Variants in NFATC1 observed in about 807,000 individuals in gnomAD.
NFATC1 encodes nuclear factor of activated T cells 1.
NFATC1 carries 22 observed loss-of-function variants against 76.0 expected under a neutral mutation model. That is an observed-to-expected ratio of 0.29 (90% CI 0.21 to 0.41). The LOEUF (loss-of-function observed/expected upper bound fraction) is 0.41, where lower values mean the gene tolerates loss of function less well. Among genes scored for constraint, NFATC1 ranks in the 10% least tolerant of loss-of-function variants. The pLI, the probability that NFATC1 is intolerant of heterozygous loss-of-function variation, is 1.00. For missense variants in NFATC1, 1,357 were observed against 1,337.7 expected (o/e 1.01, Z -0.23); for synonymous variants, 704 against 613.1 (o/e 1.15, Z -2.19).
Position 79,451,728 on chromosome 18 carries a change from C to T in NFATC1, c.1815C>T (p.Ser605=), listed in dbSNP as rs776770802. ...TGGTGGAGAAGCAGAGCACGGACAGCTATCCGGTCGTGGGCGGGAAGAAGA... is the reference window on the plus strand; with the variant it reads ...TGGTGGAGAAGCAGAGCACGGACAGTTATCCGGTCGTGGGCGGGAAGAAGA... The part of the protein sequence containing the change: ...LPLVEKQSTD[S]YPVVGGKKMV... The change falls in exon 6 of 10, where the codon AGC becomes AGT. Residue 605 remains serine (S), a synonymous_variant. Coordinates refer to ENST00000427363, the MANE Select transcript of NFATC1 (RefSeq NM_001278669.2). The T allele has an allele frequency of 6.2e-7, 1 of 1,613,080 alleles. No homozygotes were observed. The highest frequency in any genetic ancestry group is 1.1e-5 in the South Asian group (1 of 90,774).
intron 8 of NFATC1, among the ~76,000 whole-genome samples, chr18:79,481,244 C>CAGCTGCG (rs2089260745): frequency 1.3e-5 from 2 of 152,206 alleles, no homozygotes; most frequent in African/African-American, 2.4e-5. Flanking sequence ...TCCTGAGGCC[C>CAGCTGCG]AGCTGCGTCC....
intron 9 of NFATC1, among the ~76,000 whole-genome samples, chr18:79,525,611 A>G (rs1015472408): frequency 1.3e-5 from 2 of 151,828 alleles, no homozygotes; most frequent in African/African-American, 2.4e-5. Flanking sequence ...TGGCTTCATT[A>G]TTTCTTTGTA....
At chr18:79,440,401 C>A (rs1050602316) in intron 3 of NFATC1, among the ~76,000 whole-genome samples, 1 of 152,210 alleles carries the variant, frequency 6.6e-6, no homozygotes, top group Non-Finnish European at 1.5e-5. Flanking sequence ...GGAGTGGACA[C>A]GTCACCTGGA....
At chr18:79,487,393 C>T (rs1201315773) in intron 9 of NFATC1, among the ~76,000 whole-genome samples, 1 of 152,210 alleles carries the variant, frequency 6.6e-6, no homozygotes, top group Non-Finnish European at 1.5e-5. Context: ...GAGCACGTTA[C>T]CCCGTGCGGC....
chr18:79,411,552 G>A (rs1390340828), intron 2 of NFATC1, 51 bp downstream of exon 2: 39 of 1,294,424 alleles, frequency 3.0e-5, no homozygotes, highest in East Asian at 9.4e-5. Context: ...GGCGCGGGGC[G>A]GGGCGGAACG....
chr18:79,461,159 C>A, intron 6 of NFATC1, 152 bp from the exon 7 acceptor site: 1 of 800,866 alleles, frequency 1.2e-6, no homozygotes, highest in East Asian at 2.7e-5. Context: ...GAGGTGCTGC[C>A]CTCGACAAAG....
Position 79,410,649 on chromosome 18 carries a change from G to T in NFATC1, c.374G>T (p.Cys125Phe). The T allele has an allele frequency of 6.2e-7, 1 of 1,613,202 alleles. No individual in the cohort carries two copies. Among genetic ancestry groups the T allele is most frequent in the Non-Finnish European group, 8.5e-7 (1 of 1,180,014 alleles). Residue 125 changes from cysteine (C) to phenylalanine (F), a missense_variant, in exon 2 of 10, where the codon TGC becomes TTC. Physicochemically the swap from Cys to Phe is radical, Grantham distance 205. This residue lies in a region of NFATC1 where 691 missense variants were observed against 613.1 expected (regional missense o/e 1.13). Coordinates refer to ENST00000427363, the MANE Select transcript of NFATC1 (RefSeq NM_001278669.2). This position sits in a 1 kb window ranked among gnomAD's most constrained non-coding sequence, Gnocchi z 6.7. ...LESPRIEITS[C>F]LGLYHNNNQF... ...AGTCCTCGCATCGAGATAACCTCGT[G>T]CTTGGGCCTGTACCACAACAATAAC...
rs767808131 is a variant in NFATC1 at position 79,486,802 on chromosome 18, C to T, written c.2647C>T (p.Arg883Cys). ...GRPQHLPSTVRRDESPTAGPR... is the reference protein window; with the variant it reads ...GRPQHLPSTVCRDESPTAGPR... ...CCCGCAGCACCTGCCGTCCACGGTC[C>T]GCAGGGACGAGTCTCCGACTGCCGG... is the stretch of plus-strand genomic sequence containing the variant. Residue 883 changes from arginine (R) to cysteine (C), a missense_variant, in exon 9 of 10, where the codon CGC becomes TGC. This residue lies in a region of NFATC1 where 424 missense variants were observed against 395.4 expected (regional missense o/e 1.07). Coordinates refer to ENST00000427363, the MANE Select transcript of NFATC1 (RefSeq NM_001278669.2). 14 of 1,611,050 alleles carry T rather than the reference C, an allele frequency of 8.7e-6. No individual in the cohort carries two copies. Among genetic ancestry groups the T allele is most frequent in the African/African-American group, 1.3e-5 (1 of 74,904 alleles).
At chr18:79,466,385 A>G (rs2088494248) in intron 7 of NFATC1, among the ~76,000 whole-genome samples, 1 of 152,220 alleles carries the variant, frequency 6.6e-6, no homozygotes. Context: ...CTCTCCCCAG[A>G]TACCAAGTGC....
At chr18:79,508,397 A>AG (rs1299605896) in intron 9 of NFATC1, among the ~76,000 whole-genome samples, 6 of 152,158 alleles carry the variant, frequency 3.9e-5, no homozygotes, top group Admixed American at 3.3e-4. Flanking sequence ...GGGTTGGGTG[A>AG]GGGGGCGCAT....
Position 79,522,740 on chromosome 18 carries a change from C to T in NFATC1, c.2783-4788C>T, listed in dbSNP as rs980630745. On this transcript the variant is annotated intron_variant, in intron 9 of 9. Coordinates refer to ENST00000427363, the MANE Select transcript of NFATC1 (RefSeq NM_001278669.2). ...GGGGCCAGATTTGGAGGAGAGAGGA[C>T]GGACTCCTGGGGCCAGGAGCTGGCT... Among the ~76,000 whole-genome samples the T allele has an allele frequency of 3.9e-5, 6 of 152,104 alleles. No homozygotes were observed. The South Asian group carries it at 6.2e-4, about 16-fold the overall frequency.
rs746030514 is a variant in NFATC1 at position 79,410,564 on chromosome 18, C to T, written c.289C>T (p.Pro97Ser). ...GTACGGAGCAGCTTTGGACGGTGGG[C>T]CCGCGGGCTACTTCCTCTCCTCCGG... is the stretch of plus-strand genomic sequence containing the variant. Reference protein sequence around the residue: ...SGYGAALDGGPAGYFLSSGHT... With the variant: ...SGYGAALDGGSAGYFLSSGHT... Residue 97 changes from proline to serine, a missense_variant, in exon 2 of 10, where the codon CCC (proline) becomes TCC (serine). By Grantham distance (74) the Pro-to-Ser change is moderately conservative. Coordinates refer to ENST00000427363, the MANE Select transcript of NFATC1 (RefSeq NM_001278669.2). This position sits in a 1 kb window ranked among gnomAD's most constrained non-coding sequence, Gnocchi z 6.7. 11 of 1,611,496 alleles carry T rather than the reference C, an allele frequency of 6.8e-6. No homozygotes were observed. Among genetic ancestry groups the T allele is most frequent in the South Asian group, 1.1e-5 (1 of 91,082 alleles).
intron 1 of NFATC1, among the ~76,000 whole-genome samples, chr18:79,408,956 A>G (rs1025327572): frequency 1.5e-5 from 2 of 130,610 alleles, no homozygotes; most frequent in African/African-American, 6.0e-5. Context: ...TTCATCATCC[A>G]TCCATCCATC....
At position 79,467,495 on chromosome 18, in the gene NFATC1, A is replaced by G; in HGVS notation, c.2005A>G (p.Thr669Ala). 1.2e-6 allele frequency: 2 copies of G among 1,612,848 alleles called. No individual in the cohort carries two copies. The highest frequency in any genetic ancestry group is 1.7e-6 in the Non-Finnish European group (2 of 1,179,140). ...CCCGCCATTTCGGAATCAGAGGATA[A>G]CCAGCCCCGTTCACGTCAGTTTCTA... is the stretch of plus-strand genomic sequence containing the variant. Reference protein sequence around the residue: ...EIPPFRNQRITSPVHVSFYVC... With the variant: ...EIPPFRNQRIASPVHVSFYVC... Residue 669 changes from threonine to alanine, a missense_variant, in exon 8 of 10, where the codon ACC (threonine) becomes GCC (alanine). Physicochemically the swap from Thr to Ala is moderately conservative, Grantham distance 58. Transcript: ENST00000427363.
intron 2 of NFATC1, among the ~76,000 whole-genome samples, chr18:79,425,604 G>C (rs2086300318): frequency 6.6e-6 from 1 of 152,234 alleles, no homozygotes; most frequent in African/African-American, 2.4e-5. Context: ...CAAAGGAACT[G>C]CCTCTGCTCT....
intron 9 of NFATC1, among the ~76,000 whole-genome samples, chr18:79,522,485 G>T (rs2090637845): frequency 1.8e-5 from 2 of 111,340 alleles, no homozygotes; most frequent in Admixed American, 2.2e-4. Context: ...GTGTGTGGAG[G>T]GTATCTGCTG....
intron 6 of NFATC1, among the ~76,000 whole-genome samples, chr18:79,455,601 G>A (rs919478638): frequency 5.3e-5 from 8 of 152,154 alleles, no homozygotes; most frequent in Admixed American, 1.3e-4. Flanking sequence ...GTGGGAGGCC[G>A]GGTGGCCTGC....
intron 3 of NFATC1, among the ~76,000 whole-genome samples, chr18:79,441,730 C>G (rs1188078979): frequency 6.6e-6 from 1 of 152,098 alleles, no homozygotes; most frequent in African/African-American, 2.4e-5. Flanking sequence ...GCCGTTTCTC[C>G]CTTCGTGGCC....
chr18:79,504,187 T>C (rs774081333), intron 9 of NFATC1, among the ~76,000 whole-genome samples: 2 of 152,242 alleles, frequency 1.3e-5, no homozygotes, highest in African/African-American at 4.8e-5. Context: ...GCATTCACAG[T>C]TGGACTGGCG....
Sources: gnomAD v4.1 joint callset for allele counts (sites outside exome capture counted in the v4.1 genomes callset) on GRCh38, gnomAD v4.1.1 for gene constraint, gnomAD v4.1.1 regional missense constraint, Gnocchi (gnomAD v3.1) non-coding constraint, MANE v1.5 for transcripts, NCBI Gene and HGNC (gene_info 2026-07-23, HGNC 2026-07-21) for gene names.